Variants in GUCY2F observed in about 807,000 individuals in gnomAD.
The protein encoded by GUCY2F is retinal guanylyl cyclase 2.
A neutral mutation model predicts 73.1 loss-of-function variants in GUCY2F; 61 were observed. That is an observed-to-expected ratio of 0.83 (90% CI 0.68 to 1.03). GUCY2F has a LOEUF of 1.03. Among genes scored for constraint, GUCY2F ranks in the 50% least tolerant of loss-of-function variants. The pLI is 0.00. For synonymous variants in GUCY2F, 331 were observed against 307.8 expected (o/e 1.08, Z -0.79); for missense variants, 912 against 854.3 (o/e 1.07, Z -0.84).
intron 8 of GUCY2F, among the ~76,000 whole-genome samples, chrX:109,411,471 CAAAT>C (rs1413549812): frequency 1.8e-5 from 2 of 111,202 alleles, no homozygotes; most frequent in Non-Finnish European, 3.8e-5. Flanking sequence ...CAGCTGAAAT[CAAAT>C]ACTTGCTTAA....
rs1263718057 is a variant in GUCY2F at position 109,407,209 on chromosome X, G to T, written c.1968+1783C>A. 4.5e-5 allele frequency among the ~76,000 whole-genome samples: 5 copies of T among 112,068 alleles called. No homozygotes were observed. The Admixed American group carries it at 4.7e-4, about 11-fold the overall frequency. Reference sequence around the variant, plus strand: ...CAGATGGAGATGAGTAACTTGCTGGGAACTGGAGCAAAGGTGACTCTTGTT... The same window carrying T: ...CAGATGGAGATGAGTAACTTGCTGGTAACTGGAGCAAAGGTGACTCTTGTT... On this transcript the variant is annotated intron_variant, in intron 9 of 19. Coordinates refer to ENST00000218006, the MANE Select transcript of GUCY2F (RefSeq NM_001522.3).
chrX:109,455,169 C>A (rs1463050964), intron 3 of GUCY2F, among the ~76,000 whole-genome samples: 2 of 111,094 alleles, frequency 1.8e-5, no homozygotes, highest in African/African-American at 6.5e-5. Flanking sequence ...TAGTTTGATA[C>A]CCCAGTAATC....
At chrX:109,421,632 T>C (rs1225653507) in intron 8 of GUCY2F, among the ~76,000 whole-genome samples, 2 of 111,676 alleles carry the variant, frequency 1.8e-5, no homozygotes, top group Non-Finnish European at 3.8e-5. Flanking sequence ...ATGAAAAAGC[T>C]TAAGATTTGC....
rs1253608337 is a variant in GUCY2F, at chrX:109,465,464, A to G, written c.731-21T>C. 11 of 1,116,296 alleles carry G rather than the reference A, an allele frequency of 9.9e-6. No individual in the cohort carries two copies. The African/African-American group carries it at 1.1e-4, about 11-fold the overall frequency. The allele number at this position is 1,116,296 out of a possible 1,213,427, so 92.0% of individuals were successfully genotyped here. A position where few individuals can be genotyped will look rare whatever the true frequency, so the allele number is the denominator to read the frequency against. On this transcript the variant is annotated intron_variant, in intron 2 of 19. Transcript: ENST00000218006. Reference sequence around the variant, plus strand: ...GATTACTGAAACCAACAAAGCAAGGAGGTTATGGAAGCAAACTGTTAGTAA... The same window carrying G: ...GATTACTGAAACCAACAAAGCAAGGGGGTTATGGAAGCAAACTGTTAGTAA...
chrX:109,455,548 C>A (rs1175009203), intron 3 of GUCY2F, among the ~76,000 whole-genome samples: 1 of 111,574 alleles, frequency 9.0e-6, no homozygotes, highest in African/African-American at 3.3e-5. Context: ...TCCCTTCTGG[C>A]TCTGAACTCC....
intron 9 of GUCY2F, among the ~76,000 whole-genome samples, chrX:109,405,301 T>G (rs895184525): frequency 1.8e-5 from 2 of 111,843 alleles, no homozygotes; most frequent in Admixed American, 9.5e-5. Context: ...AGGGGGAGTA[T>G]GAAGAAAGAG....
intron 15 of GUCY2F, among the ~76,000 whole-genome samples, chrX:109,386,636 G>C (rs1390116086): frequency 2.7e-5 from 3 of 111,677 alleles, no homozygotes; most frequent in Admixed American, 9.5e-5. Flanking sequence ...TGTAAAACCA[G>C]GAAAACCCTC....
chrX:109,430,206 A>G (rs1931578750), intron 8 of GUCY2F, 101 bp downstream of exon 8: 1 of 552,816 alleles, frequency 1.8e-6, no homozygotes, highest in African/African-American at 2.3e-5. Flanking sequence ...GTTTCCCTGC[A>G]CTGATTTGTT....
chrX:109,417,411 A>T (rs1931270349), intron 8 of GUCY2F, among the ~76,000 whole-genome samples: 2 of 111,478 alleles, frequency 1.8e-5, no homozygotes, highest in South Asian at 7.4e-4. Flanking sequence ...GTGGAATATT[A>T]ATTCTAAGAA....
chrX:109,394,651 T>C (rs1930659922), intron 12 of GUCY2F, among the ~76,000 whole-genome samples: 1 of 112,294 alleles, frequency 8.9e-6, no homozygotes, highest in Non-Finnish European at 1.9e-5. Flanking sequence ...GCTCCAACAT[T>C]GGAATTGCGC....
At chrX:109,416,476 A>G (rs1306136794) in intron 8 of GUCY2F, among the ~76,000 whole-genome samples, 1 of 100,109 alleles carries the variant, frequency 1.0e-5, no homozygotes, top group African/African-American at 3.6e-5. Flanking sequence ...GGAGAGATCA[A>G]TAAAAAATAC....
Position 109,475,284 on chromosome X carries a change from A to AC in GUCY2F, c.652dup (p.Val218GlyfsTer51). ...GCTGTCTTGTCCTGTGGTCAGGACG[A>AC]CCCCTACAGGTAAGCCGTGGCTCCG... On this transcript the variant is annotated frameshift_variant, in exon 2 of 20. Transcript: ENST00000218006. LOFTEE classifies it high-confidence loss of function. 5 of 1,209,594 alleles carry AC rather than the reference A, an allele frequency of 4.1e-6. No homozygotes were observed. The highest frequency in any genetic ancestry group is 5.6e-6 in the Non-Finnish European group (5 of 894,100).
intron 2 of GUCY2F, among the ~76,000 whole-genome samples, chrX:109,473,922 T>C (rs1444562572): frequency 1.8e-5 from 2 of 112,457 alleles, no homozygotes; most frequent in Non-Finnish European, 3.8e-5. Context: ...TTTTATGTCT[T>C]TCAAAATAAT....
intron 3 of GUCY2F, among the ~76,000 whole-genome samples, chrX:109,458,997 C>T (rs1456383118): frequency 9.0e-6 from 1 of 111,497 alleles, no homozygotes; most frequent in African/African-American, 3.3e-5. Flanking sequence ...CTTTGGTGAA[C>T]TCACCAGTAA....
At chrX:109,431,042 A>T (rs753593644) in intron 7 of GUCY2F, among the ~76,000 whole-genome samples, 1 of 111,501 alleles carries the variant, frequency 9.0e-6, no homozygotes, top group African/African-American at 3.3e-5. Context: ...TGACTTATTA[A>T]GTAAAAAACT....
At position 109,376,145 on chromosome X, in the gene GUCY2F, A is replaced by C. The variant is rs770184184; in HGVS notation, c.3173T>G (p.Phe1058Cys). Reference protein sequence around the residue: ...ELKGKGTEETFWLIGKKGFMK... With the variant: ...ELKGKGTEETCWLIGKKGFMK... ...GAAGCCTTTTTTCCCAATCAGCCAG[A>C]AGGTTTCCTCTGTGCCTTTGCCCTT... The change falls in exon 18 of 20, where the codon TTC becomes TGC. Residue 1058 changes from phenylalanine to cysteine, a missense_variant. Coordinates refer to ENST00000218006, the MANE Select transcript of GUCY2F (RefSeq NM_001522.3). The C allele has an allele frequency of 2.3e-5, 27 of 1,197,001 alleles. No individual in the cohort carries two copies. In the Admixed American group the frequency reaches 5.7e-4, roughly 25 times the overall value.
chrX:109,414,067 ATCTCCTCCCAAATAGCTATT>A (rs1931179470), intron 8 of GUCY2F, among the ~76,000 whole-genome samples: 1 of 110,473 alleles, frequency 9.1e-6, no homozygotes, highest in South Asian at 3.9e-4. Context: ...TCTCGTGCGA[ATCTCCTCCCAAATAGCTATT>A]TCTCCTCCCA....
intron 7 of GUCY2F, among the ~76,000 whole-genome samples, chrX:109,433,030 GA>G (rs1335631807): frequency 4.4e-5 from 5 of 112,490 alleles, no homozygotes; most frequent in Admixed American, 9.3e-5. Flanking sequence ...ACTAGGCTGG[GA>G]AGCCAGAATC....
At chrX:109,411,305 A>T (rs1033507763) in intron 8 of GUCY2F, among the ~76,000 whole-genome samples, 1 of 107,532 alleles carries the variant, frequency 9.3e-6, no homozygotes, top group Admixed American at 1.0e-4. Context: ...ATGGTGAGCC[A>T]CCTTACCTGA....
Sources: allele counts gnomAD v4.1 joint callset (sites outside exome capture counted in the v4.1 genomes callset), GRCh38; gene constraint gnomAD v4.1.1; transcripts MANE v1.5; gene names NCBI Gene and HGNC (gene_info 2026-07-23, HGNC 2026-07-21).